The following SYNPO2 variants were observed in gnomAD, a reference collection of about 807,000 sequenced individuals.
SYNPO2 encodes synaptopodin-2.
A neutral mutation model predicts 85.0 loss-of-function variants in SYNPO2; 56 were observed. The observed-to-expected ratio is 0.66, with a 90% CI of 0.53 to 0.82. The LOEUF (loss-of-function observed/expected upper bound fraction) is 0.82, where lower values mean the gene tolerates loss of function less well. Ranked by LOEUF, SYNPO2 falls within the 40% of genes least tolerant of loss-of-function variation. SYNPO2 has a pLI of 0.00. For missense variants in SYNPO2, 1,575 were observed against 1,534.2 expected (o/e 1.03, Z -0.44); for synonymous variants, 602 against 591.1 (o/e 1.02, Z -0.27).
At chr4:118,852,139 A>C (rs548631498) in intron 1 of SYNPO2, among the ~76,000 whole-genome samples, 3 of 152,374 alleles carry the variant, frequency 2.0e-5, no homozygotes, top group Non-Finnish European at 4.4e-5. Context: ...ATCACGGACC[A>C]TTAGGGAAAT....
At chr4:118,927,710 A>AGAT (rs1442233151) in intron 1 of SYNPO2, among the ~76,000 whole-genome samples, 5 of 130,814 alleles carry the variant, frequency 3.8e-5, no homozygotes, top group African/African-American at 6.6e-5. Flanking sequence ...ATAGATAGAT[A>AGAT]GATAGATAGA....
intron 4 of SYNPO2, among the ~76,000 whole-genome samples, chr4:119,050,599 A>G (rs1395493912): frequency 2.6e-5 from 4 of 152,204 alleles, no homozygotes; most frequent in Non-Finnish European, 5.9e-5. Context: ...ACTGCCTGGC[A>G]TACAATAAGC....
intron 1 of SYNPO2, among the ~76,000 whole-genome samples, chr4:118,991,958 A>G (rs1405977456): frequency 6.6e-6 from 1 of 152,172 alleles, no homozygotes; most frequent in Non-Finnish European, 1.5e-5. Context: ...GAAAGGATTC[A>G]GGGGAGTTCA....
chr4:118,966,175 G>T (rs1464631333), intron 1 of SYNPO2, among the ~76,000 whole-genome samples: 1 of 152,190 alleles, frequency 6.6e-6, no homozygotes, highest in Non-Finnish European at 1.5e-5. Flanking sequence ...ACGGGCAAAA[G>T]TTGGCAGCAA....
In SYNPO2 at chr4:119,057,441, C is replaced by T. The variant is rs1018665393; in HGVS notation, c.3293C>T (p.Pro1098Leu). The stretch of plus-strand genomic sequence containing the variant: ...CTTTCTCTTCCTGGAAGATCAGTCC[C>T]ACCCCCCATTTCTACATCTCCTTGG... Reference protein sequence around the residue: ...RSLSLPGRSVPPPISTSPWVY... With the variant: ...RSLSLPGRSVLPPISTSPWVY... Residue 1098 changes from proline to leucine, a missense_variant, in exon 5 of 5, where the codon CCA becomes CTA. Coordinates refer to ENST00000307142, the MANE Select transcript of SYNPO2 (RefSeq NM_133477.3). 6 of 1,612,636 alleles carry T rather than the reference C, an allele frequency of 3.7e-6. No homozygotes were observed. The highest frequency in any genetic ancestry group is 3.3e-5 in the Admixed American group (2 of 59,850).
At chr4:119,014,906 A>G (rs1737469391) in intron 1 of SYNPO2, among the ~76,000 whole-genome samples, 1 of 152,214 alleles carries the variant, frequency 6.6e-6, no homozygotes, top group Non-Finnish European at 1.5e-5. Context: ...ATATTATCTC[A>G]GTCATGTGAA....
intron 1 of SYNPO2, among the ~76,000 whole-genome samples, chr4:119,015,361 A>G (rs1246059308): frequency 6.6e-6 from 1 of 152,160 alleles, no homozygotes; most frequent in Non-Finnish European, 1.5e-5. Context: ...TATCTTCTTT[A>G]TCTGTAGTTT....
chr4:119,025,643 G>C (rs888269571), intron 2 of SYNPO2, among the ~76,000 whole-genome samples: 4 of 152,020 alleles, frequency 2.6e-5, no homozygotes, highest in African/African-American at 9.7e-5. Flanking sequence ...GCCTGCATGA[G>C]TCATAACTGT....
intron 4 of SYNPO2, among the ~76,000 whole-genome samples, chr4:119,056,472 G>A (rs1322382834): frequency 6.6e-6 from 1 of 152,032 alleles, no homozygotes; most frequent in East Asian, 1.9e-4. Flanking sequence ...CAGGAGGATT[G>A]CTTGAGCCCA....
chr4:118,892,158 G>T (rs1484266916), intron 1 of SYNPO2, among the ~76,000 whole-genome samples: 12 of 152,032 alleles, frequency 7.9e-5, no homozygotes, highest in Non-Finnish European at 2.9e-5. Context: ...TGAACTATAC[G>T]CAAACCCCAA....
At chr4:119,056,375 G>T (rs528419605) in intron 4 of SYNPO2, among the ~76,000 whole-genome samples, 1 of 152,054 alleles carries the variant, frequency 6.6e-6, no homozygotes, top group East Asian at 1.9e-4. Flanking sequence ...GGGCAACAGG[G>T]AGATCCTGTC....
chr4:119,030,135 G>A lies in SYNPO2; in HGVS notation c.1360G>A (p.Asp454Asn). The A allele has an allele frequency of 1.9e-6, 3 of 1,614,096 alleles. No individual in the cohort carries two copies. Among genetic ancestry groups the A allele is most frequent in the Non-Finnish European group, 2.5e-6 (3 of 1,179,992 alleles). The stretch of plus-strand genomic sequence containing the variant: ...GGATGAAGAGTTATTGTCTGACGTT[G>A]ACGACAACACACAAGTTGTGAACTT... ...EVDEELLSDV[D>N]DNTQVVNFDW... Residue 454 changes from aspartate (D) to asparagine (N), a missense_variant, in exon 4 of 5, where the codon GAC becomes AAC. By Grantham distance (23) the Asp-to-Asn change is conservative. Coordinates refer to ENST00000307142, the MANE Select transcript of SYNPO2 (RefSeq NM_133477.3).
intron 4 of SYNPO2, chr4:119,038,497 G>C: frequency 1.0e-6 from 1 of 985,322 alleles, no homozygotes; most frequent in Non-Finnish European, 1.2e-6. Context: ...TAAAAATAAA[G>C]CATAATCAAA....
rs538175437 is a variant in SYNPO2, at chr4:119,058,133, T to C, written c.*199T>C. 3 of 416,890 alleles carry C rather than the reference T, an allele frequency of 7.2e-6. No homozygotes were observed. The East Asian group carries it at 1.2e-4, about 17-fold the overall frequency. The allele number at this position is 416,890 out of a possible 1,614,324, so 25.8% of individuals were successfully genotyped here. A position where few individuals can be genotyped will look rare whatever the true frequency, so the allele number is the denominator to read the frequency against. Reference sequence around the variant, plus strand: ...ATATACACACACACACACACACAGGTGAGTGTGAATACTTCCTTGTTGGCT... The same window carrying C: ...ATATACACACACACACACACACAGGCGAGTGTGAATACTTCCTTGTTGGCT... On this transcript the variant is annotated 3_prime_UTR_variant, in exon 5 of 5. Transcript: ENST00000307142.
At chr4:118,883,654 A>G (rs779076983) in intron 1 of SYNPO2, among the ~76,000 whole-genome samples, 4 of 152,208 alleles carry the variant, frequency 2.6e-5, no homozygotes, top group Non-Finnish European at 5.9e-5. Flanking sequence ...TTAGTCCCAG[A>G]AGACCATTGT....
chr4:118,915,966 T>C (rs1445637114), intron 1 of SYNPO2, among the ~76,000 whole-genome samples: 2 of 152,180 alleles, frequency 1.3e-5, no homozygotes, highest in Non-Finnish European at 2.9e-5. Context: ...TCTTCATACA[T>C]TTATTGGCTG....
chr4:118,853,767 T>C (rs1016955095), intron 1 of SYNPO2, among the ~76,000 whole-genome samples: 3 of 152,122 alleles, frequency 2.0e-5, no homozygotes, highest in Admixed American at 6.5e-5. Context: ...TGCCATGGCC[T>C]GTGCTGCAAG....
chr4:118,896,106 A>T (rs6831189), intron 1 of SYNPO2, among the ~76,000 whole-genome samples: 100,052 of 152,090 alleles, frequency 0.66, 33,626 homozygotes, highest in African/African-American at 0.79. Flanking sequence ...AGGGGCATCA[A>T]GCTACTCCCC....
At chr4:119,034,685 G>A (rs1354639207) in intron 4 of SYNPO2, 1 of 985,424 alleles carries the variant, frequency 1.0e-6, no homozygotes. Context: ...CACTCTGAGG[G>A]AGATGGGAAG....
Sources: gnomAD v4.1 joint callset for allele counts (sites outside exome capture counted in the v4.1 genomes callset) on GRCh38, gnomAD v4.1.1 for gene constraint, MANE v1.5 for transcripts, NCBI Gene and HGNC (gene_info 2026-07-23, HGNC 2026-07-21) for gene names.